The following NCAPG2 variants were observed in gnomAD, a reference collection of about 807,000 sequenced individuals.
NCAPG2 encodes the protein non-SMC condensin II complex subunit G2, also known as condensin-2 complex subunit G2.
Under a neutral mutation model 141.1 loss-of-function variants are expected in NCAPG2, and 53 were observed. The ratio of observed to expected loss-of-function variants is 0.38; its 90% CI spans 0.30 to 0.47. The LOEUF (loss-of-function observed/expected upper bound fraction) is 0.47, where lower values mean the gene tolerates loss of function less well. NCAPG2 is among the 20% of genes least tolerant of loss of function. The probability of loss-of-function intolerance (pLI) is 0.99; values close to 1 mark genes in which losing one functional copy is unlikely to be tolerated. For missense variants in NCAPG2, 1,087 were observed against 1,389.0 expected (o/e 0.78, Z 3.46); for synonymous variants, 499 against 490.7 (o/e 1.02, Z -0.22).
rs1831814905 is a variant in NCAPG2, at chr7:158,655,171, G to A, written c.2593C>T (p.Gln865Ter). Reference protein sequence around the residue: ...ESKILSFIQDQEEDYLKLHRV... With the variant: ...ESKILSFIQD Reference sequence around the variant, plus strand: ...TGAAGCTTCAGGTAGTCTTCTTCTTGATCTTGAATAAAAGATAAAATTTTG... The same window carrying A: ...TGAAGCTTCAGGTAGTCTTCTTCTTAATCTTGAATAAAAGATAAAATTTTG... Residue 865 changes from glutamine (Q) to a stop codon, truncating the protein, a stop_gained, in exon 21 of 28, where the codon CAA becomes TAA. Coordinates refer to ENST00000356309, the MANE Select transcript of NCAPG2 (RefSeq NM_017760.7). LOFTEE classifies it high-confidence loss of function. 6.2e-7 allele frequency: 1 copy of A among 1,613,910 alleles called. No individual in the cohort carries two copies. The highest frequency in any genetic ancestry group is 8.5e-7 in the Non-Finnish European group (1 of 1,179,998).
intron 19 of NCAPG2, among the ~76,000 whole-genome samples, 188 bp downstream of exon 19, chr7:158,656,072 G>A (rs961493616): frequency 6.6e-6 from 1 of 152,208 alleles, no homozygotes; most frequent in African/African-American, 2.4e-5. Flanking sequence ...TGTCAACTGG[G>A]ACTTGACTCC....
At chr7:158,666,476 A>G (rs1442588334) in intron 13 of NCAPG2, among the ~76,000 whole-genome samples, 1 of 151,972 alleles carries the variant, frequency 6.6e-6, no homozygotes, top group African/African-American at 2.4e-5. Flanking sequence ...CACCCCCAGC[A>G]TAGATATTAG....
chr7:158,685,379 G>T (rs1016726782), intron 8 of NCAPG2, among the ~76,000 whole-genome samples: 1 of 152,108 alleles, frequency 6.6e-6, no homozygotes, highest in African/African-American at 2.4e-5. Context: ...ATTTTCTAGT[G>T]GCTGCATTAA....
At chr7:158,704,636 C>G (rs1179225342) in intron 1 of NCAPG2, 88 bp downstream of exon 1, 1 of 152,744 alleles carries the variant, frequency 6.5e-6, no homozygotes, top group Non-Finnish European at 1.5e-5. Flanking sequence ...GGGACCCCGA[C>G]CAGCCGAGGA....
In NCAPG2 at chr7:158,672,298, A is replaced by G. The variant is rs1324166091; in HGVS notation, c.1327-632T>C. Among the ~76,000 whole-genome samples the G allele has an allele frequency of 1.2e-3, 25 of 20,610 alleles. No individual in the cohort carries two copies. In the East Asian group the frequency reaches 0.016, roughly 13 times the overall value. 13.5% of individuals were successfully genotyped at this position (20,610 alleles called of 152,430 possible). On this transcript the variant is annotated intron_variant, in intron 12 of 27. Coordinates refer to ENST00000356309, the MANE Select transcript of NCAPG2 (RefSeq NM_017760.7). ...AACACATGTGTGTGTGTGTGTATAT[A>G]TATATATATATATATATATATATAT...
chr7:158,691,545 T>C (rs894828217), intron 4 of NCAPG2, among the ~76,000 whole-genome samples: 2 of 152,190 alleles, frequency 1.3e-5, no homozygotes. Flanking sequence ...ATGAGATACT[T>C]TGTCACAACA....
intron 16 of NCAPG2, 40 bp downstream of exon 16, chr7:158,662,154 C>G (rs753034129): frequency 2.6e-6 from 4 of 1,535,696 alleles, no homozygotes; most frequent in Non-Finnish European, 3.5e-6. Context: ...ACAAACGTAA[C>G]CTTAATATAC....
At chr7:158,691,531 C>T (rs1465601167) in intron 4 of NCAPG2, among the ~76,000 whole-genome samples, 1 of 152,096 alleles carries the variant, frequency 6.6e-6, no homozygotes, top group African/African-American at 2.4e-5. Flanking sequence ...GAATAAGAAG[C>T]TTGATGAGAT....
At chr7:158,652,606 G>C in intron 22 of NCAPG2, 126 bp from the exon 23 acceptor site, 2 of 792,982 alleles carry the variant, frequency 2.5e-6, no homozygotes, top group Non-Finnish European at 3.9e-6. Flanking sequence ...TTGGTATTTG[G>C]TGAGCCAATA....
intron 16 of NCAPG2, among the ~76,000 whole-genome samples, chr7:158,659,961 T>C (rs1026101258): frequency 8.6e-5 from 13 of 151,864 alleles, no homozygotes; most frequent in African/African-American, 3.1e-4. Context: ...AATACAAAAA[T>C]ATTAGCCACG....
At chr7:158,655,677 T>TG (rs370283126) in intron 19 of NCAPG2, among the ~76,000 whole-genome samples, 34 of 63,322 alleles carry the variant, frequency 5.4e-4, no homozygotes, top group Non-Finnish European at 6.9e-4. Context: ...TCCACAGCCC[T>TG]TGCCCTGCAC....
At chr7:158,686,872 G>A (rs1339115949) in intron 7 of NCAPG2, among the ~76,000 whole-genome samples, 2 of 152,144 alleles carry the variant, frequency 1.3e-5, no homozygotes, top group South Asian at 2.1e-4. Flanking sequence ...AGTACTCAGT[G>A]CTGGAGCAAA....
Position 158,655,358 on chromosome 7 carries a change from C to A in NCAPG2, c.2486G>T (p.Ser829Ile), listed in dbSNP as rs1039547108. 5.0e-6 allele frequency: 8 copies of A among 1,614,182 alleles called. No individual in the cohort carries two copies. The highest frequency in any genetic ancestry group is 6.8e-6 in the Non-Finnish European group (8 of 1,180,046). ...PRAFGLHCRL[S>I]IHLQHKFCSE... ...GCACACCTTGTGCTGAAGATGGATG[C>A]TCAGGCGACAGTGGAGACCAAAGGC... The change falls in exon 20 of 28, where the codon AGC (serine) becomes ATC (isoleucine). Residue 829 changes from serine to isoleucine, a missense_variant. Transcript: ENST00000356309.
chr7:158,658,829 C>T (rs1303170431), intron 16 of NCAPG2, among the ~76,000 whole-genome samples: 1 of 152,002 alleles, frequency 6.6e-6, no homozygotes, highest in Non-Finnish European at 1.5e-5. Flanking sequence ...GGAAATTATT[C>T]AGAGAAAATG....
intron 11 of NCAPG2, among the ~76,000 whole-genome samples, chr7:158,678,178 G>A (rs1320773368): frequency 1.3e-5 from 2 of 151,656 alleles, no homozygotes; most frequent in South Asian, 2.1e-4. Flanking sequence ...AAGCATGAGA[G>A]AACAGTTAAG....
In NCAPG2 at chr7:158,701,995, T is replaced by C. The variant is rs555107551; in HGVS notation, c.-39-57A>G. The C allele has an allele frequency of 7.2e-4, 799 of 1,103,466 alleles. 11 individuals carry two copies. The South Asian group carries it at 0.012, about 16-fold the overall frequency. 68.4% of individuals were successfully genotyped at this position (1,103,466 alleles called of 1,614,324 possible). On this transcript the variant is annotated intron_variant, in intron 1 of 27. Transcript: ENST00000356309. ...TGCAAATATATCTTTTCCTGTAAGA[T>C]TTAATTTGATATTAACATCCAAGAA...
intron 27 of NCAPG2, among the ~76,000 whole-genome samples, chr7:158,638,521 C>T (rs1205610500): frequency 2.6e-5 from 4 of 152,032 alleles, no homozygotes; most frequent in Non-Finnish European, 5.9e-5. Context: ...ATTACAGACG[C>T]GAGCCACCAT....
At chr7:158,675,056 A>G (rs1045317245) in intron 12 of NCAPG2, among the ~76,000 whole-genome samples, 5 of 152,268 alleles carry the variant, frequency 3.3e-5, no homozygotes, top group African/African-American at 1.2e-4. Flanking sequence ...AAGACAGTTC[A>G]GGTTGCTTAG....
intron 15 of NCAPG2, 30 bp from the exon 16 acceptor site, chr7:158,662,397 G>C (rs4484634): frequency 6.6e-7 from 1 of 1,514,864 alleles, no homozygotes; most frequent in Non-Finnish European, 8.8e-7. Flanking sequence ...ATTGTGAAAG[G>C]ATCTAATCAT....
Sources: gnomAD v4.1 joint callset for allele counts (sites outside exome capture counted in the v4.1 genomes callset) on GRCh38, gnomAD v4.1.1 for gene constraint, MANE v1.5 for transcripts, NCBI Gene and HGNC (gene_info 2026-07-23, HGNC 2026-07-21) for gene names.